Variants in AOPEP observed in about 807,000 individuals in gnomAD.
AOPEP encodes aminopeptidase O (putative), also known as aminopeptidase O.
AOPEP carries 77 observed loss-of-function variants against 98.1 expected under a neutral mutation model. The observed-to-expected ratio is 0.78, with a 90% confidence interval of 0.65 to 0.95. The LOEUF is 0.95. AOPEP is among the 40% of genes least tolerant of loss of function. The pLI is 0.00. For synonymous variants in AOPEP, 346 were observed against 365.3 expected, an observed-to-expected ratio of 0.95 and a Z score of 0.60; for missense variants, 1,024 against 1,024.7, an observed-to-expected ratio of 1.00 and a Z score of 0.01.
At chr9:95,126,518 G>GT in the AOPEP span, 1 of 1,612,954 alleles carries the variant, frequency 6.2e-7, no homozygotes, top group Non-Finnish European at 8.5e-7. Context: ...AAGAAACAGT[G>GT]TAACGTTTAC....
At chr9:94,875,356 A>AAAAAAAAAAAAAAAAAAG (rs2046818810) in intron 5 of AOPEP, among the ~76,000 whole-genome samples, 2 of 149,122 alleles carry the variant, frequency 1.3e-5, no homozygotes, top group African/African-American at 4.9e-5. Flanking sequence ...AGAAAAAAAA[A>AAAAAAAAAAAAAAAAAAG]AAAAAAAAAA....
chr9:94,829,526 T>G (rs562525457), intron 5 of AOPEP, among the ~76,000 whole-genome samples: 1 of 152,204 alleles, frequency 6.6e-6, no homozygotes. Flanking sequence ...AAGTTGGATG[T>G]ACTTCACAAA....
chr9:94,738,427 G>A (rs1323035195), intron 1 of AOPEP, among the ~76,000 whole-genome samples: 1 of 152,156 alleles, frequency 6.6e-6, no homozygotes, highest in Non-Finnish European at 1.5e-5. Context: ...AAGTGTTTGT[G>A]TAGTGGGAGT....
At chr9:94,736,863 C>A (rs959292004) in intron 1 of AOPEP, among the ~76,000 whole-genome samples, 1 of 152,180 alleles carries the variant, frequency 6.6e-6, no homozygotes, top group African/African-American at 2.4e-5. Context: ...GGGACAGTGA[C>A]TGAACTTGCA....
the AOPEP span, among the ~76,000 whole-genome samples, chr9:95,095,598 C>A: frequency 1.3e-5 from 2 of 152,216 alleles, no homozygotes; most frequent in Non-Finnish European, 2.9e-5. Flanking sequence ...GTTTTACCCA[C>A]CTTTTCTCCT....
chr9:95,023,971 A>G (rs1276411347), intron 13 of AOPEP, among the ~76,000 whole-genome samples: 1 of 152,230 alleles, frequency 6.6e-6, no homozygotes, highest in Non-Finnish European at 1.5e-5. Context: ...ATAATCAGAC[A>G]TCATTTTCAA....
chr9:94,751,140 G>A (rs1449466241), intron 1 of AOPEP, among the ~76,000 whole-genome samples: 1 of 152,092 alleles, frequency 6.6e-6, no homozygotes, highest in Non-Finnish European at 1.5e-5. Context: ...TTTCTCTCCG[G>A]TGGAAAACTA....
At chr9:95,084,473 G>C (rs1447767627) in intron 16 of AOPEP, among the ~76,000 whole-genome samples, 1 of 152,192 alleles carries the variant, frequency 6.6e-6, no homozygotes, top group African/African-American at 2.4e-5. Context: ...CACACAGACT[G>C]TGCACTTACC....
chr9:94,869,750 C>G (rs1164326670), intron 5 of AOPEP, among the ~76,000 whole-genome samples: 1 of 152,178 alleles, frequency 6.6e-6, no homozygotes. Flanking sequence ...AGAATGTCAT[C>G]TGAGTACAGC....
intron 13 of AOPEP, among the ~76,000 whole-genome samples, chr9:95,059,963 C>T (rs1425435327): frequency 6.6e-6 from 1 of 152,208 alleles, no homozygotes; most frequent in African/African-American, 2.4e-5. Flanking sequence ...ACACATGCTT[C>T]TCTTCATTTC....
intron 5 of AOPEP, among the ~76,000 whole-genome samples, chr9:94,858,757 AAC>A (rs947197460): frequency 1.4e-4 from 21 of 151,878 alleles, no homozygotes; most frequent in African/African-American, 5.1e-4. Flanking sequence ...TGCTTTATAA[AAC>A]ACACTGAGGC....
chr9:94,976,231 G>A (rs1345347645), intron 10 of AOPEP, among the ~76,000 whole-genome samples: 1 of 152,170 alleles, frequency 6.6e-6, no homozygotes, highest in African/African-American at 2.4e-5. Flanking sequence ...TCCAGCGAAT[G>A]TTTGCCACAT....
intron 3 of AOPEP, 29 bp downstream of exon 3, chr9:94,773,197 A>T: frequency 6.3e-7 from 1 of 1,597,466 alleles, no homozygotes; most frequent in Non-Finnish European, 8.6e-7. Context: ...TTGCTTATTT[A>T]TGTATTGCAC....
intron 5 of AOPEP, among the ~76,000 whole-genome samples, chr9:94,883,209 G>T (rs56319051): frequency 0.021 from 3,261 of 152,210 alleles, 87 homozygotes; most frequent in African/African-American, 0.057. Flanking sequence ...CACTGGAATT[G>T]TACTTCACTC....
intron 5 of AOPEP, among the ~76,000 whole-genome samples, chr9:94,896,992 A>AC (rs990167250): frequency 2.1e-4 from 32 of 151,264 alleles, no homozygotes; most frequent in African/African-American, 7.0e-4. Context: ...ATTAAAAAGC[A>AC]CCAAAATTTG....
At chr9:94,850,373 T>C (rs1020419261) in intron 5 of AOPEP, among the ~76,000 whole-genome samples, 3 of 152,250 alleles carry the variant, frequency 2.0e-5, no homozygotes, top group Admixed American at 6.5e-5. Context: ...TCCTGCCTGT[T>C]GGCTGTTATA....
chr9:94,907,791 G>A (rs530192552), intron 5 of AOPEP, among the ~76,000 whole-genome samples: 60 of 152,124 alleles, frequency 3.9e-4, no homozygotes, highest in Non-Finnish European at 7.8e-4. Context: ...AGCTAGCTTT[G>A]TGAAGGCAGC....
chr9:95,094,947 A>G, the AOPEP span, among the ~76,000 whole-genome samples: 6 of 152,158 alleles, frequency 3.9e-5, no homozygotes, highest in East Asian at 9.6e-4. Flanking sequence ...TCTGCCTTCT[A>G]AGGCTGAGGA....
chr9:94,766,930 A>T (rs1231872810), intron 2 of AOPEP, among the ~76,000 whole-genome samples: 3 of 152,180 alleles, frequency 2.0e-5, no homozygotes, highest in Non-Finnish European at 2.9e-5. Context: ...GCCAGGGAAG[A>T]TGTAGACTTT....
Sources: allele counts gnomAD v4.1 joint callset (sites outside exome capture counted in the v4.1 genomes callset), GRCh38; gene constraint gnomAD v4.1.1; transcripts MANE v1.5; gene names NCBI Gene and HGNC (gene_info 2026-07-23, HGNC 2026-07-21).